Variants in ARB2A observed in about 807,000 individuals in gnomAD.
ARB2A encodes ARB2 cotranscriptional regulator A, also known as cotranscriptional regulator ARB2A.
the ARB2A span, among the ~76,000 whole-genome samples, chr5:93,837,532 G>C: frequency 6.6e-6 from 1 of 152,026 alleles, no homozygotes; most frequent in East Asian, 1.9e-4. Flanking sequence ...TTGCTGGGTT[G>C]AATGGCAATT....
At chr5:93,647,276 G>C in the ARB2A span, among the ~76,000 whole-genome samples, 1 of 151,710 alleles carries the variant, frequency 6.6e-6, no homozygotes, top group Non-Finnish European at 1.5e-5. Flanking sequence ...CCCAGAGCTA[G>C]AGTGCAATGG....
the ARB2A span, among the ~76,000 whole-genome samples, chr5:94,097,113 A>G: frequency 1.3e-5 from 2 of 152,128 alleles, no homozygotes; most frequent in Non-Finnish European, 2.9e-5. Context: ...CTATCCCCCA[A>G]AGCTCATCAT....
the ARB2A span, among the ~76,000 whole-genome samples, chr5:94,020,976 G>C: frequency 6.6e-6 from 1 of 152,116 alleles, no homozygotes; most frequent in African/African-American, 2.4e-5. Context: ...AACCACCATG[G>C]CACGTGTATC....
At chr5:93,728,170 G>A in the ARB2A span, among the ~76,000 whole-genome samples, 1 of 151,932 alleles carries the variant, frequency 6.6e-6, no homozygotes, top group African/African-American at 2.4e-5. Context: ...TACAAAGGTG[G>A]TTGGTTTTTT....
At chr5:93,840,077 T>C in the ARB2A span, among the ~76,000 whole-genome samples, 1 of 152,316 alleles carries the variant, frequency 6.6e-6, no homozygotes, top group Non-Finnish European at 1.5e-5. Flanking sequence ...TGCTCCTGCT[T>C]CTCTAGTTCC....
At chr5:93,688,433 C>T in the ARB2A span, among the ~76,000 whole-genome samples, 1 of 152,228 alleles carries the variant, frequency 6.6e-6, no homozygotes, top group African/African-American at 2.4e-5. Context: ...TGCATCTTCA[C>T]ATTCGGACTA....
chr5:94,108,223 C>G, the ARB2A span, among the ~76,000 whole-genome samples: 4 of 152,070 alleles, frequency 2.6e-5, no homozygotes, highest in Admixed American at 1.3e-4. Flanking sequence ...ACGACATCTA[C>G]TACACAGGCA....
the ARB2A span, among the ~76,000 whole-genome samples, chr5:93,768,577 ATG>A: frequency 5.3e-5 from 8 of 150,072 alleles, no homozygotes; most frequent in African/African-American, 4.9e-5. Context: ...CATATATACT[ATG>A]TGTGTGTGTG....
the ARB2A span, among the ~76,000 whole-genome samples, chr5:93,658,702 T>A: frequency 6.6e-6 from 1 of 152,090 alleles, no homozygotes; most frequent in Non-Finnish European, 1.5e-5. Context: ...AGCTTATATG[T>A]TTTTGCTTTT....
At chr5:94,001,435 G>A in the ARB2A span, among the ~76,000 whole-genome samples, 3 of 151,776 alleles carry the variant, frequency 2.0e-5, no homozygotes, top group South Asian at 2.1e-4. Flanking sequence ...TCTCTCTTCC[G>A]TCTGTTTCAT....
At chr5:93,778,504 C>T in the ARB2A span, among the ~76,000 whole-genome samples, 1 of 152,244 alleles carries the variant, frequency 6.6e-6, no homozygotes, top group Non-Finnish European at 1.5e-5. Context: ...AATAGGCTCC[C>T]AATGATACAG....
chr5:94,070,348 G>C, the ARB2A span, among the ~76,000 whole-genome samples: 1 of 152,022 alleles, frequency 6.6e-6, no homozygotes, highest in East Asian at 1.9e-4. Context: ...TGCACAGAAG[G>C]AAACAATGAA....
At chr5:93,654,092 G>C in the ARB2A span, among the ~76,000 whole-genome samples, 2 of 152,220 alleles carry the variant, frequency 1.3e-5, no homozygotes, top group East Asian at 1.9e-4. Context: ...GACATAGTCT[G>C]TCCTTGAAGA....
At chr5:93,762,801 G>A in the ARB2A span, among the ~76,000 whole-genome samples, 4 of 152,212 alleles carry the variant, frequency 2.6e-5, no homozygotes, top group Admixed American at 2.6e-4. Flanking sequence ...CAGCCAGAGA[G>A]AAAGGGTGGG....
chr5:94,006,656 T>A, the ARB2A span, among the ~76,000 whole-genome samples: 1 of 152,168 alleles, frequency 6.6e-6, no homozygotes. Context: ...TATCAGTAAA[T>A]CATATTTTTT....
At chr5:93,924,989 C>T in the ARB2A span, among the ~76,000 whole-genome samples, 13 of 152,176 alleles carry the variant, frequency 8.5e-5, no homozygotes, top group East Asian at 2.3e-3. Context: ...CTGAATGTTT[C>T]TCCTGACTAA....
chr5:94,071,599 A>C, the ARB2A span, among the ~76,000 whole-genome samples: 1 of 152,172 alleles, frequency 6.6e-6, no homozygotes, highest in South Asian at 2.1e-4. Context: ...GTATTTTACC[A>C]GAGACAAGGT....
the ARB2A span, chr5:93,682,712 C>T: frequency 9.3e-6 from 6 of 647,498 alleles, no homozygotes; most frequent in East Asian, 1.1e-4. Context: ...AGAACCTGGA[C>T]AACATTTATC....
At chr5:93,764,418 C>A in the ARB2A span, among the ~76,000 whole-genome samples, 2 of 152,142 alleles carry the variant, frequency 1.3e-5, no homozygotes, top group African/African-American at 2.4e-5. Flanking sequence ...ATACTATAAA[C>A]ACCTCTATGC....
Sources: gnomAD v4.1 joint callset for allele counts (sites outside exome capture counted in the v4.1 genomes callset) on GRCh38, gnomAD v4.1.1 for gene constraint, MANE v1.5 for transcripts, NCBI Gene and HGNC (gene_info 2026-07-23, HGNC 2026-07-21) for gene names.